Variants in SACS observed in about 807,000 individuals in gnomAD.
The protein encoded by SACS is sacsin.
A neutral mutation model predicts 348.0 loss-of-function variants in SACS; 197 were observed. That is an observed-to-expected ratio of 0.57 (90% CI 0.50 to 0.64). SACS has a LOEUF of 0.64. SACS is among the 30% of genes least tolerant of loss of function. The pLI is 0.00. For synonymous variants in SACS, 1,985 were observed against 1,910.6 expected (o/e 1.04, Z -1.02); for missense variants, 4,999 against 5,360.8 (o/e 0.93, Z 2.11).
chr13:23,333,947 G>A lies in SACS; in HGVS notation c.9929C>T (p.Ala3310Val), dbSNP rs1883657750. 6.2e-7 allele frequency: 1 copy of A among 1,613,746 alleles called. No homozygotes were observed. Among genetic ancestry groups the A allele is most frequent in the Non-Finnish European group, 8.5e-7 (1 of 1,179,846 alleles). ...ATCACTCTGGGCATTTGGAAAAACT[G>A]CAATGTGCATAAGGCTGAGAGGAAG... ...VLLPLSLMHI[A>V]VFPNAQSDKV... Residue 3310 changes from alanine (A) to valine (V), a missense_variant, in exon 10 of 10, where the codon GCA (alanine) becomes GTA (valine). Around this residue, in one of 6 missense-constraint regions of SACS, gnomAD observed 734 missense variants for 694.0 expected, o/e 1.06. Transcript: ENST00000382292.
rs560887309 is a variant in SACS at position 23,354,070 on chromosome 13, T to G, written c.2094-194A>C. On this transcript the variant is annotated intron_variant, in intron 8 of 9. Transcript: ENST00000382292. Reference sequence around the variant, plus strand: ...TTTGCTTTAAAACGTGAAGGCATCATGTACTTTACTCAAATTCAGAAATAT... The same window carrying G: ...TTTGCTTTAAAACGTGAAGGCATCAGGTACTTTACTCAAATTCAGAAATAT... Among the ~76,000 whole-genome samples, 278 of 152,378 alleles carry G rather than the reference T, an allele frequency of 1.8e-3. 1 individual carries two copies. The highest frequency in any genetic ancestry group is 6.4e-3 in the African/African-American group (267 of 41,586).
rs1046555527 is a variant in SACS at position 23,329,977 on chromosome 13, C to T, written c.*159G>A. On this transcript the variant is annotated 3_prime_UTR_variant, in exon 10 of 10. Coordinates refer to ENST00000382292, the MANE Select transcript of SACS (RefSeq NM_014363.6). ...TCTTTTAGATTCAGTTAAGGTTTTCCGTTGGTATTCATGTTCATAACAACT... is the reference window on the plus strand; with the variant it reads ...TCTTTTAGATTCAGTTAAGGTTTTCTGTTGGTATTCATGTTCATAACAACT... 4 of 679,648 alleles carry T rather than the reference C, an allele frequency of 5.9e-6. No individual in the cohort carries two copies. The highest frequency in any genetic ancestry group is 3.8e-5 in the South Asian group (2 of 52,970). 42.1% of individuals were successfully genotyped at this position (679,648 alleles called of 1,614,324 possible). A position where few individuals can be genotyped will look rare whatever the true frequency, so the allele number is the denominator to read the frequency against.
At position 23,333,146 on chromosome 13, in the gene SACS, G is replaced by A; in HGVS notation, c.10730C>T (p.Thr3577Ile). 6.2e-7 allele frequency: 1 copy of A among 1,612,384 alleles called. No homozygotes were observed. ...GAATTCCACCCAGGATGTCATAAAT[G>A]TAACATGATTTTTGGGTTTTATAAG... Reference protein sequence around the residue: ...EQLIKPKNHVTFMTSWVEFLR... With the variant: ...EQLIKPKNHVIFMTSWVEFLR... The change falls in exon 10 of 10, where the codon ACA becomes ATA. Residue 3577 changes from threonine (T) to isoleucine (I), a missense_variant. Physicochemically the swap from Thr to Ile is moderately conservative, Grantham distance 89. Around this residue, in one of 6 missense-constraint regions of SACS, gnomAD observed 831 missense variants for 941.8 expected, o/e 0.88. Transcript: ENST00000382292.
At position 23,341,313 on chromosome 13, in the gene SACS, A is replaced by G. The variant is rs1262623967; in HGVS notation, c.2563T>C (p.Leu855=). ...AGCGGATGTTGTATAGATGCATCTA[A>G]TTTTTTAAGGACAAACCCTCCAAGT... The part of the protein sequence containing the change: ...QKLGGFVLKK[L]DASIQHPLIK... Residue 855 remains leucine, a synonymous_variant, in exon 10 of 10, where the codon TTA becomes CTA. Transcript: ENST00000382292. 1 of 1,606,858 alleles carries G rather than the reference A, an allele frequency of 6.2e-7. No homozygotes were observed. Among genetic ancestry groups the G allele is most frequent in the Middle Eastern group, 1.7e-4 (1 of 6,032 alleles).
At chr13:23,398,534 C>A (rs376890801) in intron 2 of SACS, among the ~76,000 whole-genome samples, 891 of 101,404 alleles carry the variant, frequency 8.8e-3, no homozygotes, top group African/African-American at 0.012. Flanking sequence ...AACTCCGTCT[C>A]AAAAAAAAAA....
chr13:23,407,903 A>G (rs866246514), intron 2 of SACS, among the ~76,000 whole-genome samples: 7 of 152,204 alleles, frequency 4.6e-5, no homozygotes, highest in Middle Eastern at 3.4e-3. Flanking sequence ...CATTGTTTCA[A>G]GTCAGTTCAG....
intron 2 of SACS, among the ~76,000 whole-genome samples, chr13:23,406,494 G>T (rs112586054): frequency 0.011 from 1,645 of 151,724 alleles, 24 homozygotes; most frequent in African/African-American, 0.038. Context: ...AAACCCACAC[G>T]TTCTGCACAT....
chr13:23,371,091 G>T lies in SACS; in HGVS notation c.246C>A (p.Gly82=). The part of the protein sequence containing the change: ...CHLFVNLQSK[G]LKGGGRFGQT... ...TCAATATTATACCTCCCCCTTTTAA[G>T]CCTTTTGATTGAAGGTTTACAAAAA... is the stretch of plus-strand genomic sequence containing the variant. The change falls in exon 4 of 10, where the codon GGC becomes GGA. Residue 82 remains glycine, a synonymous_variant. Coordinates refer to ENST00000382292, the MANE Select transcript of SACS (RefSeq NM_014363.6). 1 of 1,601,558 alleles carries T rather than the reference G, an allele frequency of 6.2e-7. No homozygotes were observed.
rs1869118837 is a variant in SACS at position 23,340,623 on chromosome 13, G to A, written c.3253C>T (p.His1085Tyr). The A allele has an allele frequency of 1.2e-6, 2 of 1,610,284 alleles. No individual in the cohort carries two copies. Among genetic ancestry groups the A allele is most frequent in the South Asian group, 1.1e-5 (1 of 89,950 alleles). ...PSVFTSPDIL[H>Y]SLRQIGLKNE... is the part of the protein sequence containing the mutation. ...TTTAAACCAATCTGTCTTAAGGAGT[G>A]AAGAATATCTGGTGAGGTAAAAACT... The change falls in exon 10 of 10, where the codon CAC (histidine) becomes TAC (tyrosine). Residue 1085 changes from histidine (H) to tyrosine (Y), a missense_variant. Physicochemically the swap from His to Tyr is moderately conservative, Grantham distance 83. Around this residue, in one of 6 missense-constraint regions of SACS, gnomAD observed 3,156 missense variants for 3,380.1 expected, o/e 0.93. Transcript: ENST00000382292.
chr13:23,362,967 T>TAAGATC, intron 6 of SACS, among the ~76,000 whole-genome samples: 1 of 151,650 alleles, frequency 6.6e-6, no homozygotes, highest in East Asian at 2.0e-4. Context: ...TGGACTGCAA[T>TAAGATC]GGCACAGTCT....
At chr13:23,405,555 G>A (rs1408443856) in intron 2 of SACS, among the ~76,000 whole-genome samples, 1 of 152,132 alleles carries the variant, frequency 6.6e-6, no homozygotes, top group African/African-American at 2.4e-5. Context: ...TTGACAAATG[G>A]GGTCTAATTA....
intron 1 of SACS, among the ~76,000 whole-genome samples, chr13:23,422,482 G>T (rs1286312417): frequency 6.6e-6 from 1 of 152,050 alleles, no homozygotes; most frequent in Non-Finnish European, 1.5e-5. Context: ...TTGTTATGTG[G>T]TATTTCAGAT....
intron 4 of SACS, 54 bp from the exon 5 acceptor site, chr13:23,368,541 C>G (rs940886049): frequency 1.6e-5 from 21 of 1,279,368 alleles, no homozygotes; most frequent in Admixed American, 5.4e-5. Context: ...CATGAATTGT[C>G]ACCAATGTGT....
chr13:23,399,843 G>T (rs990863248), intron 2 of SACS, among the ~76,000 whole-genome samples: 2 of 151,790 alleles, frequency 1.3e-5, no homozygotes, highest in Non-Finnish European at 2.9e-5. Flanking sequence ...CCAGCCTTGA[G>T]ATAACCTCCC....
At chr13:23,387,724 T>C (rs1872354308) in intron 2 of SACS, among the ~76,000 whole-genome samples, 2 of 152,312 alleles carry the variant, frequency 1.3e-5, no homozygotes, top group South Asian at 4.1e-4. Context: ...GTTTACCCAA[T>C]GGACAGCATG....
chr13:23,339,212 T>C lies in SACS; in HGVS notation c.4664A>G (p.Lys1555Arg). The C allele has an allele frequency of 6.2e-7, 1 of 1,611,348 alleles. No individual in the cohort carries two copies. The highest frequency in any genetic ancestry group is 8.5e-7 in the Non-Finnish European group (1 of 1,178,776). ...CACAGAATTAAATCCAAGACCAAAT[T>C]TTCCAACTTTGTCAACTTCTCCCCT... is the stretch of plus-strand genomic sequence containing the variant. ...LKRGEVDKVG[K>R]FGLGFNSVYH... The change falls in exon 10 of 10, where the codon AAA becomes AGA. Residue 1555 changes from lysine (K) to arginine (R), a missense_variant. By Grantham distance (26) the Lys-to-Arg change is conservative. Coordinates refer to ENST00000382292, the MANE Select transcript of SACS (RefSeq NM_014363.6).
chr13:23,340,949 C>CAT lies in SACS; in HGVS notation c.2926_2927insAT (p.Arg976HisfsTer7). 1.2e-6 allele frequency: 2 copies of CAT among 1,613,988 alleles called. No individual in the cohort carries two copies. Among genetic ancestry groups the CAT allele is most frequent in the South Asian group, 2.2e-5 (2 of 91,076 alleles). On this transcript the variant is annotated frameshift_variant, in exon 10 of 10. Coordinates refer to ENST00000382292, the MANE Select transcript of SACS (RefSeq NM_014363.6). LOFTEE classifies it high-confidence loss of function. ...TTCTATTTTCAACATGTTTGCCAGA[C>CAT]GAATAGTAGCTTCATCACTACTGTC... is the stretch of plus-strand genomic sequence containing the variant.
chr13:23,409,040 C>CTTTTTTATTTTTTTTTTTTTTTTTT (rs1873360135), intron 2 of SACS, among the ~76,000 whole-genome samples: 1 of 35,122 alleles, frequency 2.8e-5, no homozygotes, highest in Non-Finnish European at 4.9e-5. Flanking sequence ...ACAAGTTTTA[C>CTTTTTTATTTTTTTTTTTTTTTTTT]TTTTTTTTTT....
intron 2 of SACS, among the ~76,000 whole-genome samples, chr13:23,402,187 A>T (rs1427253533): frequency 6.6e-6 from 1 of 152,120 alleles, no homozygotes; most frequent in African/African-American, 2.4e-5. Flanking sequence ...CGAAAAAAAA[A>T]AAAAAAAGAC....
Sources: allele counts gnomAD v4.1 joint callset (sites outside exome capture counted in the v4.1 genomes callset), GRCh38; gene constraint gnomAD v4.1.1; regional missense constraint gnomAD v4.1.1; transcripts MANE v1.5; gene names NCBI Gene and HGNC (gene_info 2026-07-23, HGNC 2026-07-21).